Variants in CYP2J2 observed in about 807,000 individuals in gnomAD.
CYP2J2 encodes cytochrome P450 family 2 subfamily J member 2, also known as cytochrome P450 2J2.
Under a neutral mutation model 48.8 loss-of-function variants are expected in CYP2J2, and 41 were observed. The ratio of observed to expected loss-of-function variants is 0.84; its 90% CI spans 0.66 to 1.09. CYP2J2 has a LOEUF of 1.09. CYP2J2 is among the 50% of genes least tolerant of loss of function. The pLI is 0.00. For synonymous variants in CYP2J2, 221 were observed against 227.1 expected, an observed-to-expected ratio of 0.97 and a Z score of 0.24; for missense variants, 644 against 617.3, an observed-to-expected ratio of 1.04 and a Z score of -0.46.
At chr1:59,929,289 GAA>G (rs1290931455), upstream of CYP2J2, among the ~76,000 whole-genome samples, 1 of 152,208 alleles carries the variant, frequency 6.6e-6, no homozygotes, top group Non-Finnish European at 1.5e-5. Context: ...AATTGGGAGA[GAA>G]GAGCAGATCA....
the CYP2J2 span, among the ~76,000 whole-genome samples, chr1:59,935,048 A>T: frequency 8.6e-6 from 1 of 115,618 alleles, no homozygotes; most frequent in Non-Finnish European, 1.8e-5. Flanking sequence ...ATATATATAT[A>T]TATACACAAC....
chr1:59,955,200 G>A, the CYP2J2 span, among the ~76,000 whole-genome samples: 1 of 148,150 alleles, frequency 6.7e-6, no homozygotes, highest in Non-Finnish European at 1.5e-5. Context: ...ATGTGCATAT[G>A]CACGTGTGTA....
Position 59,912,389 on chromosome 1 carries a change from T to C in CYP2J2, c.374-78A>G, listed in dbSNP as rs533369822. 6 of 1,468,952 alleles carry C rather than the reference T, an allele frequency of 4.1e-6. No homozygotes were observed. In the South Asian group the frequency reaches 7.8e-5, roughly 19 times the overall value. The allele number at this position is 1,468,952 out of a possible 1,614,324, so 91.0% of individuals were successfully genotyped here. On this transcript the variant is annotated intron_variant, in intron 2 of 8. Coordinates refer to ENST00000371204, the MANE Select transcript of CYP2J2 (RefSeq NM_000775.4). ...CCAGCAAATGATATGGGAATGTGTA[T>C]CAGATGAAGGACAGGAGAAGATCAT...
chr1:59,911,688 C>A lies in CYP2J2; in HGVS notation c.604G>T (p.Glu202Ter), dbSNP rs767582413. The stretch of plus-strand genomic sequence containing the variant: ...TGCTGAAACCAACTATCCTGGTACT[C>A]AAAGCGTTCTCCGAAGGTGATGGAG... ...ICSITFGERF[E>*]YQDSWFQQLL... The change falls in exon 4 of 9, where the codon GAG (glutamate) becomes TAG (stop). Residue 202 changes from glutamate (E) to a stop codon, truncating the protein, a stop_gained. Coordinates refer to ENST00000371204, the MANE Select transcript of CYP2J2 (RefSeq NM_000775.4). LOFTEE classifies it high-confidence loss of function. 1.9e-6 allele frequency: 3 copies of A among 1,613,704 alleles called. No homozygotes were observed. The East Asian group carries it at 6.7e-5, about 36-fold the overall frequency.
chr1:59,928,221 G>A (rs187040482), upstream of CYP2J2, among the ~76,000 whole-genome samples: 4 of 152,038 alleles, frequency 2.6e-5, no homozygotes, highest in East Asian at 7.7e-4. Context: ...ATGATGCAGG[G>A]GAATGACTTC....
In CYP2J2 at chr1:59,911,607, C is replaced by T. The variant is rs758070092; in HGVS notation, c.684+1G>A. 3.1e-6 allele frequency: 5 copies of T among 1,599,440 alleles called. No homozygotes were observed. Among genetic ancestry groups the T allele is most frequent in the Non-Finnish European group, 3.4e-6 (4 of 1,171,948 alleles). On this transcript the variant is annotated splice_donor_variant, in intron 4 of 8. Transcript: ENST00000371204. LOFTEE classifies it high-confidence loss of function. The stretch of plus-strand genomic sequence containing the variant: ...AAGATATGGAGAGACAGCTGCCTTA[C>T]CTGGCATGTCTTTGAAGCCTCCAAG...
chr1:59,895,642 TTTTTA>T (rs1644262198), intron 8 of CYP2J2, among the ~76,000 whole-genome samples: 1 of 151,986 alleles, frequency 6.6e-6, no homozygotes, highest in Non-Finnish European at 1.5e-5. Flanking sequence ...TTTTGATTTA[TTTTTA>T]TTTTTATTTA....
In CYP2J2 at chr1:59,911,714, C is replaced by T. The variant is rs377443601; in HGVS notation, c.578G>A (p.Cys193Tyr). The change falls in exon 4 of 9, where the codon TGC becomes TAC. Residue 193 changes from cysteine to tyrosine, a missense_variant. By Grantham distance (194) the Cys-to-Tyr change is radical. Coordinates refer to ENST00000371204, the MANE Select transcript of CYP2J2 (RefSeq NM_000775.4). ...AAAGCGTTCTCCGAAGGTGATGGAG[C>T]AAATGATATTGGAAACTGCATTGTT... The part of the protein sequence containing the change: ...KINNAVSNII[C>Y]SITFGERFEY... 3.1e-6 allele frequency: 5 copies of T among 1,613,492 alleles called. No homozygotes were observed. Among genetic ancestry groups the T allele is most frequent in the Non-Finnish European group, 4.2e-6 (5 of 1,179,686 alleles).
chr1:59,911,802 TG>T (rs749310439), intron 3 of CYP2J2, 34 bp from the exon 4 acceptor site: 3 of 1,596,536 alleles, frequency 1.9e-6, no homozygotes, highest in Non-Finnish European at 8.6e-7. Context: ...TGGATCCTTC[TG>T]ATGGATTTGT....
At chr1:59,951,941 G>A in the CYP2J2 span, among the ~76,000 whole-genome samples, 3 of 152,066 alleles carry the variant, frequency 2.0e-5, no homozygotes, top group South Asian at 2.1e-4. Flanking sequence ...CTCTGTCATC[G>A]AAACTATGGC....
At chr1:59,935,009 TATATAC>T in the CYP2J2 span, among the ~76,000 whole-genome samples, 223 of 39,898 alleles carry the variant, frequency 5.6e-3, 1 homozygote, top group African/African-American at 0.013. Flanking sequence ...TATATATATA[TATATAC>T]ATATATATAT....
the CYP2J2 span, among the ~76,000 whole-genome samples, chr1:59,959,549 G>C: frequency 6.6e-6 from 1 of 151,950 alleles, no homozygotes; most frequent in Non-Finnish European, 1.5e-5. Flanking sequence ...GAAAATGTGA[G>C]AGATATATAT....
chr1:59,968,672 GGAGGGGTGGACATGTGTAAAAGGCCC>G, the CYP2J2 span, among the ~76,000 whole-genome samples: 3 of 152,346 alleles, frequency 2.0e-5, no homozygotes, highest in Admixed American at 2.0e-4. Context: ...TGGAGCTGTG[GGAGGGGTGGACATGTGTAAAAGGCCC>G]GAGGGGGGAC....
chr1:59,926,483 G>A, intron 1 of CYP2J2, 54 bp downstream of exon 1: 2 of 1,493,032 alleles, frequency 1.3e-6, no homozygotes, highest in East Asian at 4.5e-5. Flanking sequence ...CGTCCCTTGT[G>A]CTGCAGAACA....
At chr1:59,924,177 T>C (rs11572203) in intron 1 of CYP2J2, among the ~76,000 whole-genome samples, 270 of 152,224 alleles carry the variant, frequency 1.8e-3, no homozygotes, top group African/African-American at 6.2e-3. Context: ...ATGAAAGGAA[T>C]TGTCAACCTA....
chr1:59,916,769 A>G (rs188421463), intron 1 of CYP2J2, among the ~76,000 whole-genome samples: 124 of 152,162 alleles, frequency 8.1e-4, no homozygotes, highest in African/African-American at 2.7e-3. Context: ...TCTAACCCCA[A>G]GCATCCTAGA....
intron 1 of CYP2J2, among the ~76,000 whole-genome samples, chr1:59,920,059 C>T (rs886825981): frequency 1.3e-5 from 2 of 151,728 alleles, no homozygotes; most frequent in Admixed American, 1.3e-4. Context: ...TAGAGAGGGA[C>T]ATAAAGCTAT....
At chr1:59,967,592 G>A in the CYP2J2 span, among the ~76,000 whole-genome samples, 2 of 152,142 alleles carry the variant, frequency 1.3e-5, no homozygotes, top group African/African-American at 2.4e-5. Flanking sequence ...TCGTCTTTCT[G>A]AGCATATATC....
the CYP2J2 span, among the ~76,000 whole-genome samples, chr1:59,935,289 AC>A: frequency 6.6e-6 from 1 of 151,898 alleles, no homozygotes; most frequent in African/African-American, 2.4e-5. Context: ...AAGGGTACAC[AC>A]CTGCAGTTAT....
Sources: gnomAD v4.1 joint callset for allele counts (sites outside exome capture counted in the v4.1 genomes callset) on GRCh38, gnomAD v4.1.1 for gene constraint, MANE v1.5 for transcripts, NCBI Gene and HGNC (gene_info 2026-07-23, HGNC 2026-07-21) for gene names.